MSANTD2: variants seen among roughly 807,000 people sequenced by gnomAD.
MSANTD2 encodes the protein Myb/SANT DNA binding domain containing 2, also known as myb/SANT-like DNA-binding domain-containing protein 2.
MSANTD2 carries 19 observed loss-of-function variants against 52.6 expected under a neutral mutation model. That is an observed-to-expected ratio of 0.36 (90% CI 0.25 to 0.53). MSANTD2 has a LOEUF of 0.53. MSANTD2 is among the 20% of genes least tolerant of loss of function. The probability of loss-of-function intolerance (pLI) is 0.91; values close to 1 mark genes in which losing one functional copy is unlikely to be tolerated. For synonymous variants in MSANTD2, 291 were observed against 289.7 expected (o/e 1.00, Z -0.04); for missense variants, 558 against 716.3 (o/e 0.78, Z 2.52).
intron 3 of MSANTD2, among the ~76,000 whole-genome samples, chr11:124,770,293 ACT>A (rs1414641377): frequency 6.8e-6 from 1 of 146,874 alleles, no homozygotes; most frequent in Non-Finnish European, 1.5e-5. Flanking sequence ...ATTTGTAATA[ACT>A]CTTTTTTTTT....
intron 1 of MSANTD2, chr11:124,775,460 G>T: frequency 6.5e-6 from 1 of 154,564 alleles, no homozygotes. Flanking sequence ...ATGAATACAG[G>T]GTAAAAATAA....
intron 1 of MSANTD2, chr11:124,792,875 C>T (rs1324659758): frequency 1.3e-5 from 2 of 152,156 alleles, no homozygotes; most frequent in Admixed American, 6.5e-5. Flanking sequence ...AATCCCCTCC[C>T]CCCCTCCAGA....
At chr11:124,780,470 C>T (rs1331437498) in intron 1 of MSANTD2, among the ~76,000 whole-genome samples, 2 of 152,184 alleles carry the variant, frequency 1.3e-5, no homozygotes, top group Non-Finnish European at 2.9e-5. Context: ...TTGGCAAATA[C>T]AAAATGTTTT....
chr11:124,781,594 G>A (rs1460502549), intron 1 of MSANTD2, among the ~76,000 whole-genome samples: 1 of 151,844 alleles, frequency 6.6e-6, no homozygotes, highest in Admixed American at 6.6e-5. Flanking sequence ...TCAACCCAAT[G>A]GGATCACAGT....
chr11:124,781,230 C>G (rs1382393094), intron 1 of MSANTD2, among the ~76,000 whole-genome samples: 1 of 150,848 alleles, frequency 6.6e-6, no homozygotes, highest in Non-Finnish European at 1.5e-5. Context: ...TATTACTTTA[C>G]TCTTCTAAAA....
chr11:124,799,986 G>C lies in MSANTD2; in HGVS notation c.395C>G (p.Ala132Gly), dbSNP rs767893818. The change falls in exon 1 of 4, where the codon GCC becomes GGC. Residue 132 changes from alanine to glycine, a missense_variant. Transcript: ENST00000374979. ...VEARYQQLEG[A>G]GTVFGSKAPG... ...GGCCTTGCTGCCGAACACCGTGCCG[G>C]CTCCCTCCAGCTGCTGGTACCGCGC... The C allele has an allele frequency of 5.7e-6, 9 of 1,583,558 alleles. No homozygotes were observed. Among genetic ancestry groups the C allele is most frequent in the Non-Finnish European group, 7.7e-6 (9 of 1,174,384 alleles).
At position 124,786,089 on chromosome 11, in the gene MSANTD2, TTTC is replaced by T. The variant is rs1344460941; in HGVS notation, c.511-11118_511-11116del. 1.9e-4 allele frequency among the ~76,000 whole-genome samples: 27 copies of T among 139,876 alleles called. No individual in the cohort carries two copies. The South Asian group carries it at 3.8e-3, about 20-fold the overall frequency. 91.8% of individuals were successfully genotyped at this position (139,876 alleles called of 152,430 possible). On this transcript the variant is annotated intron_variant, in intron 1 of 3. Coordinates refer to ENST00000374979, the MANE Select transcript of MSANTD2 (RefSeq NM_001308027.2). The stretch of plus-strand genomic sequence containing the variant: ...GGTTACTGCTATTTGCCCTGCATCA[TTTC>T]TTCTTTTTTTTTTTTTTTTTTTTTT...
At chr11:124,794,222 T>C (rs1945422406) in intron 1 of MSANTD2, among the ~76,000 whole-genome samples, 1 of 152,194 alleles carries the variant, frequency 6.6e-6, no homozygotes. Flanking sequence ...CTTAATGAAG[T>C]AACCAGAATA....
intron 1 of MSANTD2, among the ~76,000 whole-genome samples, chr11:124,798,721 T>C (rs1287550641): frequency 6.6e-6 from 1 of 152,202 alleles, no homozygotes; most frequent in Non-Finnish European, 1.5e-5. Flanking sequence ...TGATTGCGCC[T>C]ATTAGACTTT....
At chr11:124,789,333 G>C (rs1261983436) in intron 1 of MSANTD2, 1 of 152,134 alleles carries the variant, frequency 6.6e-6, no homozygotes, top group East Asian at 1.9e-4. Context: ...AGATAGTAGA[G>C]AGACAGTACT....
chr11:124,783,643 A>G, intron 1 of MSANTD2: 1 of 786,886 alleles, frequency 1.3e-6, no homozygotes. Flanking sequence ...AAAAAATAAA[A>G]GAAAGTAAAA....
chr11:124,781,099 C>T (rs1425289905), intron 1 of MSANTD2, among the ~76,000 whole-genome samples: 1 of 151,006 alleles, frequency 6.6e-6, no homozygotes, highest in African/African-American at 2.4e-5. Flanking sequence ...AGGAGAATCA[C>T]TTGAACCTGA....
intron 3 of MSANTD2, among the ~76,000 whole-genome samples, chr11:124,770,796 T>C (rs1187278169): frequency 6.7e-6 from 1 of 149,624 alleles, no homozygotes; most frequent in Non-Finnish European, 1.5e-5. Context: ...TTTTTTTTTT[T>C]TGAGACAGAG....
chr11:124,777,755 T>C (rs1944798255), intron 1 of MSANTD2, among the ~76,000 whole-genome samples: 1 of 152,206 alleles, frequency 6.6e-6, no homozygotes, highest in Admixed American at 6.5e-5. Context: ...AAATCCATGA[T>C]AGGAATTTGA....
At chr11:124,794,735 C>A (rs1056805449) in intron 1 of MSANTD2, among the ~76,000 whole-genome samples, 5 of 152,072 alleles carry the variant, frequency 3.3e-5, no homozygotes, top group Non-Finnish European at 7.4e-5. Context: ...AAATGAAAGA[C>A]CAAATATACT....
At chr11:124,783,258 T>C (rs1163183021) in intron 1 of MSANTD2, among the ~76,000 whole-genome samples, 1 of 152,188 alleles carries the variant, frequency 6.6e-6, no homozygotes, top group Non-Finnish European at 1.5e-5. Context: ...TATCAATGAC[T>C]CACTCACTTT....
In MSANTD2 at chr11:124,787,380, A is replaced by C. The variant is rs534262734; in HGVS notation, c.511-12406T>G. Among the ~76,000 whole-genome samples the C allele has an allele frequency of 2.8e-4, 42 of 152,232 alleles. No homozygotes were observed. The South Asian group carries it at 7.5e-3, about 27-fold the overall frequency. On this transcript the variant is annotated intron_variant, in intron 1 of 3. Transcript: ENST00000374979. ...GCATCATTAAACGAATGCCAACTTG[A>C]CTTTTCTTTTTTTGGAGTTGGAGTC...
chr11:124,784,605 A>T (rs993308640), intron 1 of MSANTD2: 3 of 985,100 alleles, frequency 3.0e-6, no homozygotes, highest in Admixed American at 1.2e-4. Context: ...TGTGCAGAGC[A>T]GGCTTCCCCT....
intron 1 of MSANTD2, among the ~76,000 whole-genome samples, chr11:124,781,673 G>C (rs1944975484): frequency 1.5e-5 from 2 of 134,006 alleles, no homozygotes; most frequent in South Asian, 4.7e-4. Context: ...TTTTTTTTGA[G>C]ACAGATTCTC....
Sources: gnomAD v4.1 joint callset for allele counts (sites outside exome capture counted in the v4.1 genomes callset) on GRCh38, gnomAD v4.1.1 for gene constraint, MANE v1.5 for transcripts, NCBI Gene and HGNC (gene_info 2026-07-23, HGNC 2026-07-21) for gene names.